Variants in HDAC7 observed in about 807,000 individuals in gnomAD.
HDAC7 encodes histone deacetylase 7A.
Under a neutral mutation model 115.5 loss-of-function variants are expected in HDAC7, and 26 were observed. The ratio of observed to expected loss-of-function variants is 0.23; its 90% CI spans 0.16 to 0.31. The LOEUF is 0.31. Among genes scored for constraint, HDAC7 ranks in the 10% least tolerant of loss-of-function variants. HDAC7 has a pLI of 1.00. For synonymous variants in HDAC7, 564 were observed against 550.9 expected (o/e 1.02, Z -0.33); for missense variants, 1,068 against 1,329.0 (o/e 0.80, Z 3.05).
rs201565153 is a variant in HDAC7, at chr12:47,796,153, G to A, written c.795+54C>T. 99 of 1,557,252 alleles carry A rather than the reference G, an allele frequency of 6.4e-5. No homozygotes were observed. The East Asian group carries it at 2.2e-3, about 35-fold the overall frequency. ...GCCCAGGTAGGGCCGCCTGCTGGAA[G>A]AAGGCTGAGCCTCAGAACTGCCCCA... On this transcript the variant is annotated intron_variant, in intron 8 of 25. Transcript: ENST00000080059.
At chr12:47,785,511 C>A in intron 23 of HDAC7, 40 bp from the exon 24 acceptor site, 1 of 1,567,098 alleles carries the variant, frequency 6.4e-7, no homozygotes, top group Middle Eastern at 1.7e-4. Flanking sequence ...CTCTCAGGGA[C>A]CCACAGGCCC....
rs1943957113 is a variant in HDAC7, at chr12:47,797,998, G to A, written c.461+110C>T. On this transcript the variant is annotated intron_variant, in intron 5 of 25. Transcript: ENST00000080059. This position sits in a 1 kb window ranked among gnomAD's most constrained non-coding sequence, Gnocchi z 5.5. ...TATGTTTAGAGGAAGGGTAAGGACT[G>A]GTTGTGGCAACTGGGGAGGAAGGAG... 2 of 797,106 alleles carry A rather than the reference G, an allele frequency of 2.5e-6. No individual in the cohort carries two copies. The highest frequency in any genetic ancestry group is 4.5e-6 in the Non-Finnish European group (2 of 446,324). The allele number at this position is 797,106 out of a possible 1,614,324, so 49.4% of individuals were successfully genotyped here.
chr12:47,803,287 G>A lies in HDAC7; in HGVS notation c.20-1013C>T, dbSNP rs572483342. 6.6e-6 allele frequency among the ~76,000 whole-genome samples: 1 copy of A among 152,336 alleles called. No homozygotes were observed. Among genetic ancestry groups the A allele is most frequent in the South Asian group, 2.1e-4 (1 of 4,828 alleles). On this transcript the variant is annotated intron_variant, in intron 1 of 25. Transcript: ENST00000080059. The surrounding 1 kb of genome is among the most constrained non-coding windows in gnomAD (Gnocchi z 4.0). ...GGGTGGACACAGAAGCGCTCTGCTG[G>A]CCAGACTTGGGGCAGAAGGGATATT...
chr12:47,804,388 T>G (rs981711256), intron 1 of HDAC7, among the ~76,000 whole-genome samples: 2 of 152,124 alleles, frequency 1.3e-5, no homozygotes, highest in Admixed American at 1.3e-4. Flanking sequence ...GAAAGGTATC[T>G]ACTGGCACCC....
chr12:47,798,720 C>G lies in HDAC7; in HGVS notation c.258+65G>C. The G allele has an allele frequency of 6.4e-7, 1 of 1,565,594 alleles. No homozygotes were observed. On this transcript the variant is annotated intron_variant, in intron 3 of 25. Transcript: ENST00000080059. The surrounding 1 kb of genome is among the most constrained non-coding windows in gnomAD (Gnocchi z 4.3). ...GGACTGAGACTGGTGTCTAGGGATGCTGAAGGCGGGGAGGCTGGGGACCAA... is the reference window on the plus strand; with the variant it reads ...GGACTGAGACTGGTGTCTAGGGATGGTGAAGGCGGGGAGGCTGGGGACCAA...
intron 1 of HDAC7, among the ~76,000 whole-genome samples, chr12:47,816,815 G>A (rs909136013): frequency 2.6e-5 from 4 of 152,154 alleles, no homozygotes; most frequent in African/African-American, 7.2e-5. Flanking sequence ...CTAGGCCAGC[G>A]ACTCAAGTTG....
At chr12:47,791,490 G>A (rs1943508591) in intron 15 of HDAC7, 96 bp downstream of exon 15, 8 of 1,496,264 alleles carry the variant, frequency 5.3e-6, no homozygotes, top group Non-Finnish European at 6.3e-6. Context: ...CCAGGGTGCA[G>A]GAGGAGGCTG....
At chr12:47,790,715 G>A (rs774469594) in intron 16 of HDAC7, 22 of 165,018 alleles carry the variant, frequency 1.3e-4, no homozygotes, top group Admixed American at 8.7e-4. Context: ...GAGCTGAGCC[G>A]GAGGGAGCGG....
chr12:47,796,025 G>A lies in HDAC7; in HGVS notation c.796-9C>T, dbSNP rs1451273780. 6.5e-7 allele frequency: 1 copy of A among 1,549,538 alleles called. No individual in the cohort carries two copies. The highest frequency in any genetic ancestry group is 2.0e-5 in the Admixed American group (1 of 50,992). On this transcript the variant is annotated splice_polypyrimidine_tract_variant and intron_variant, in intron 8 of 25. Coordinates refer to ENST00000080059, the MANE Select transcript of HDAC7 (RefSeq NM_015401.5). ...CGCTGGCCCAAGAGCGCCTGCCATA[G>A]GGAGCAGGGCGAGGGTCACCGGTCC...
chr12:47,788,469 G>T, intron 19 of HDAC7: 1 of 238,076 alleles, frequency 4.2e-6, no homozygotes, highest in Non-Finnish European at 8.2e-6. Context: ...GTGGCAAGGA[G>T]AGGGAAGGGT....
intron 21 of HDAC7, among the ~76,000 whole-genome samples, chr12:47,787,511 G>A (rs558368140): frequency 3.9e-5 from 6 of 152,288 alleles, no homozygotes; most frequent in Middle Eastern, 3.4e-3. Flanking sequence ...ATTGGCTCTC[G>A]GTAATGTATG....
Position 47,792,002 on chromosome 12 carries a change from G to A in HDAC7, c.1681C>T (p.Leu561=), listed in dbSNP as rs1464363624. The A allele has an allele frequency of 6.2e-7, 1 of 1,604,824 alleles. No homozygotes were observed. The highest frequency in any genetic ancestry group is 8.5e-7 in the Non-Finnish European group (1 of 1,174,080). ...TTCAGCATGACCGAGTCATAGATCAGCCCTGCAGGAGCAAGGGTCAGAGCG... is the reference window on the plus strand; with the variant it reads ...TTCAGCATGACCGAGTCATAGATCAACCCTGCAGGAGCAAGGGTCAGAGCG... The part of the protein sequence containing the change: ...PARTLPFTTG[L]IYDSVMLKHQ... The change falls in exon 14 of 26, where the codon CTG becomes TTG. Residue 561 remains leucine (L), a splice_region_variant and synonymous_variant. Coordinates refer to ENST00000080059, the MANE Select transcript of HDAC7 (RefSeq NM_015401.5).
intron 19 of HDAC7, 67 bp downstream of exon 19, chr12:47,789,194 T>C (rs1320476999): frequency 4.1e-6 from 5 of 1,219,426 alleles, no homozygotes; most frequent in African/African-American, 3.0e-5. Context: ...GCCGCATCTC[T>C]AACATCAGGC....
In HDAC7 at chr12:47,797,411, G is replaced by A; in HGVS notation, c.550C>T (p.Pro184Ser). The A allele has an allele frequency of 6.2e-7, 1 of 1,614,174 alleles. No individual in the cohort carries two copies. The highest frequency in any genetic ancestry group is 8.5e-7 in the Non-Finnish European group (1 of 1,180,010). ...PPVPSLPSDPPEHFPLRKTVS... is the reference protein window; with the variant it reads ...PPVPSLPSDPSEHFPLRKTVS... Reference sequence around the variant, plus strand: ...GTCTTGCGCAGAGGGAAGTGCTCTGGGGGGTCACTGGGCAGGCTGGGAACA... The same window carrying A: ...GTCTTGCGCAGAGGGAAGTGCTCTGAGGGGTCACTGGGCAGGCTGGGAACA... Residue 184 changes from proline to serine, a missense_variant, in exon 6 of 26, where the codon CCA becomes TCA. Around this residue, in one of 6 missense-constraint regions of HDAC7, gnomAD observed 618 missense variants for 701.5 expected, o/e 0.88. Transcript: ENST00000080059. This position sits in a 1 kb window ranked among gnomAD's most constrained non-coding sequence, Gnocchi z 5.5.
chr12:47,791,459 A>G (rs1943504461), intron 15 of HDAC7, 127 bp downstream of exon 15: 1 of 1,411,678 alleles, frequency 7.1e-7, no homozygotes, highest in South Asian at 1.4e-5. Context: ...GGGGCTTGGC[A>G]GCAAGCTGGA....
Position 47,785,399 on chromosome 12 carries a change from T to C in HDAC7, c.2779A>G (p.Ile927Val). 1 of 1,610,942 alleles carries C rather than the reference T, an allele frequency of 6.2e-7. No homozygotes were observed. ...LNAIRSLEAV[I>V]RVHSKYWGCM... ...TCTCCACACTTACTGTGCACCCGGA[T>C]CACGGCCTCCAGAGAGCGGATGGCA... The change falls in exon 24 of 26, where the codon ATC (isoleucine) becomes GTC (valine). Residue 927 changes from isoleucine (I) to valine (V), a missense_variant. Physicochemically the swap from Ile to Val is conservative, Grantham distance 29. This residue lies in a region of HDAC7 where 98 missense variants were observed against 123.9 expected (regional missense o/e 0.79). Transcript: ENST00000080059.
rs7312951 is a variant in HDAC7, at chr12:47,810,848, A to G, written c.20-8574T>C. Among the ~76,000 whole-genome samples, 130 of 55,016 alleles carry G rather than the reference A, an allele frequency of 2.4e-3. 1 individual carries two copies. Among genetic ancestry groups the G allele is most frequent in the Middle Eastern group, 0.018 (2 of 112 alleles). The allele number at this position is 55,016 out of a possible 152,430, so 36.1% of individuals were successfully genotyped here. On this transcript the variant is annotated intron_variant, in intron 1 of 25. Transcript: ENST00000080059. ...TCTCTCTCTCTCTCTCTCTCTCTCTATCTCTATCTCTGTCTCTCACTCACG... is the reference window on the plus strand; with the variant it reads ...TCTCTCTCTCTCTCTCTCTCTCTCTGTCTCTATCTCTGTCTCTCACTCACG...
At chr12:47,792,575 G>A (rs978126018) in intron 13 of HDAC7, 39 of 452,276 alleles carry the variant, frequency 8.6e-5, no homozygotes, top group Admixed American at 2.4e-4. Flanking sequence ...TGCTCATTGC[G>A]GGTGGGAGGG....
intron 16 of HDAC7, 22 bp from the exon 17 acceptor site, chr12:47,789,942 C>A (rs1466702947): frequency 2.6e-6 from 4 of 1,549,534 alleles, no homozygotes; most frequent in Non-Finnish European, 3.6e-6. Context: ...AGAGTCAGGG[C>A]CCGCATCATC....
Sources: gnomAD v4.1 joint callset for allele counts (sites outside exome capture counted in the v4.1 genomes callset) on GRCh38, gnomAD v4.1.1 for gene constraint, gnomAD v4.1.1 regional missense constraint, Gnocchi (gnomAD v3.1) non-coding constraint, MANE v1.5 for transcripts, NCBI Gene and HGNC (gene_info 2026-07-23, HGNC 2026-07-21) for gene names.